ZNF766: variants seen among roughly 807,000 people sequenced by gnomAD.
ZNF766 encodes zinc finger protein 766.
ZNF766 carries 13 observed loss-of-function variants against 13.2 expected under a neutral mutation model. That is an observed-to-expected ratio of 0.98 (90% CI 0.64 to 1.56). The LOEUF (loss-of-function observed/expected upper bound fraction) is 1.56, where lower values mean the gene tolerates loss of function less well. ZNF766 is among the 40% of genes most tolerant of loss of function. The pLI, the probability that ZNF766 is intolerant of heterozygous loss-of-function variation, is 0.00. For synonymous variants in ZNF766, 178 were observed against 187.6 expected (o/e 0.95, Z 0.42); for missense variants, 521 against 552.2 (o/e 0.94, Z 0.57).
At chr19:52,289,998 C>T (rs1982038167) in intron 3 of ZNF766, 68 bp from the exon 4 acceptor site, 1 of 1,507,236 alleles carries the variant, frequency 6.6e-7, no homozygotes, top group Admixed American at 2.2e-5. Context: ...CAGACTCCAA[C>T]TCAAAAAAAG....
At position 52,291,178 on chromosome 19, in the gene ZNF766, G is replaced by C. The variant is rs762438673; in HGVS notation, c.1387G>C (p.Glu463Gln). The change falls in exon 4 of 4, where the codon GAG becomes CAG. Residue 463 changes from glutamate to glutamine, a missense_variant. Transcript: ENST00000439461. ...WFVQHQRSVH[E>Q]RVLTN ...TGTACAGCATCAGAGAAGTGTTCAT[G>C]AGAGAGTCCTTACAAACTGAGTTTG... 41 of 1,573,738 alleles carry C rather than the reference G, an allele frequency of 2.6e-5. No individual in the cohort carries two copies. The highest frequency in any genetic ancestry group is 1.9e-4 in the South Asian group (16 of 84,426).
intron 3 of ZNF766, among the ~76,000 whole-genome samples, chr19:52,287,668 G>A (rs1198117249): frequency 1.3e-5 from 2 of 152,198 alleles, no homozygotes; most frequent in African/African-American, 4.8e-5. Context: ...TTTGTTACTG[G>A]TGTGTTTAGA....
At chr19:52,286,360 G>C (rs1568621299) in intron 3 of ZNF766, among the ~76,000 whole-genome samples, 1 of 140,762 alleles carries the variant, frequency 7.1e-6, no homozygotes, top group Non-Finnish European at 1.5e-5. Flanking sequence ...GTCTCATGCT[G>C]TCCTGATCTT....
chr19:52,280,754 T>G (rs185784142), intron 1 of ZNF766, among the ~76,000 whole-genome samples: 1 of 151,826 alleles, frequency 6.6e-6, no homozygotes, highest in Admixed American at 6.6e-5. Flanking sequence ...AGCTAATTAT[T>G]ATATTTTTAG....
intron 1 of ZNF766, among the ~76,000 whole-genome samples, chr19:52,275,882 T>C (rs1450561808): frequency 1.3e-5 from 2 of 152,162 alleles, no homozygotes; most frequent in Non-Finnish European, 2.9e-5. Context: ...GGTTTCCCCA[T>C]GTTAGCCAGG....
At chr19:52,286,465 G>A (rs8100650) in intron 3 of ZNF766, among the ~76,000 whole-genome samples, 12,935 of 151,816 alleles carry the variant, frequency 0.085, 1,217 homozygotes, top group African/African-American at 0.23. Context: ...TTGTAGAGGT[G>A]GAGTTTCGCT....
chr19:52,286,976 C>T (rs1406536477), intron 3 of ZNF766, among the ~76,000 whole-genome samples: 1 of 152,106 alleles, frequency 6.6e-6, no homozygotes, highest in Non-Finnish European at 1.5e-5. Flanking sequence ...GCTGAGACTA[C>T]AGGCACCTGC....
chr19:52,272,551 T>TG (rs1042809162), intron 1 of ZNF766, among the ~76,000 whole-genome samples: 25 of 151,960 alleles, frequency 1.6e-4, no homozygotes, highest in African/African-American at 5.8e-4. Context: ...CCTGCAGCCT[T>TG]GAACTCCCGG....
chr19:52,280,099 C>G lies in ZNF766; in HGVS notation c.19-2012C>G, dbSNP rs547521023. ...GCGTGAGCCACCGCTCCCAGCTGGT[C>G]TACTTTTTTTAAATAGCTTAATATA... On this transcript the variant is annotated intron_variant, in intron 1 of 3. Coordinates refer to ENST00000439461, the MANE Select transcript of ZNF766 (RefSeq NM_001010851.3). 3.9e-5 allele frequency among the ~76,000 whole-genome samples: 6 copies of G among 152,130 alleles called. No homozygotes were observed. The East Asian group carries it at 1.2e-3, about 29-fold the overall frequency.
intron 3 of ZNF766, among the ~76,000 whole-genome samples, chr19:52,289,423 A>G (rs1387416629): frequency 6.6e-6 from 1 of 151,786 alleles, no homozygotes; most frequent in African/African-American, 2.4e-5. Flanking sequence ...AAGTGCTGGG[A>G]TTACAGCCAC....
chr19:52,269,694 G>C, intron 1 of ZNF766, 63 bp downstream of exon 1: 3 of 1,599,010 alleles, frequency 1.9e-6, no homozygotes, highest in African/African-American at 1.3e-5. Flanking sequence ...TCTGTACCCG[G>C]GATGTGGGGG....
intron 1 of ZNF766, chr19:52,281,751 A>G (rs1355089919): frequency 2.1e-6 from 1 of 476,096 alleles, no homozygotes; most frequent in Non-Finnish European, 4.3e-6. Context: ...CCAGACACAA[A>G]ATTAACCCAC....
At chr19:52,271,967 A>C (rs1980993983) in intron 1 of ZNF766, among the ~76,000 whole-genome samples, 1 of 95,156 alleles carries the variant, frequency 1.1e-5, no homozygotes, top group Non-Finnish European at 2.1e-5. Context: ...GGGTGACAAG[A>C]GTGAGACTGT....
chr19:52,277,805 C>T lies in ZNF766; in HGVS notation c.19-4306C>T, dbSNP rs1252323568. Among the ~76,000 whole-genome samples the T allele has an allele frequency of 4.6e-5, 7 of 152,030 alleles. No homozygotes were observed. In the East Asian group the frequency reaches 9.8e-4, roughly 21 times the overall value. ...GTGGGTGGAGACGGGGTGAGGGCCC[C>T]GTGGTGTCAGTGCTGTTGGGCAGCA... On this transcript the variant is annotated intron_variant, in intron 1 of 3. Transcript: ENST00000439461.
intron 1 of ZNF766, among the ~76,000 whole-genome samples, chr19:52,275,108 A>G (rs932177112): frequency 6.6e-6 from 1 of 152,210 alleles, no homozygotes; most frequent in Non-Finnish European, 1.5e-5. Flanking sequence ...AGGCTCAGGC[A>G]GGTCCTTCAG....
chr19:52,286,855 T>G (rs1981853250), intron 3 of ZNF766, among the ~76,000 whole-genome samples: 1 of 152,138 alleles, frequency 6.6e-6, no homozygotes, highest in African/African-American at 2.4e-5. Flanking sequence ...TGTTTTGTTT[T>G]AAGATGGAGT....
chr19:52,288,030 T>C (rs73579004), intron 3 of ZNF766: 20,017 of 426,704 alleles, frequency 0.047, 1,434 homozygotes, highest in African/African-American at 0.23. Context: ...TCTTTTTCTT[T>C]TTTTTTTTGA....
chr19:52,287,418 G>C (rs950857339), intron 3 of ZNF766, among the ~76,000 whole-genome samples: 1 of 152,254 alleles, frequency 6.6e-6, no homozygotes, highest in Non-Finnish European at 1.5e-5. Context: ...TGGGATTACA[G>C]GCGTGAGCCA....
chr19:52,270,863 C>T (rs1003646319), intron 1 of ZNF766, among the ~76,000 whole-genome samples: 1 of 152,168 alleles, frequency 6.6e-6, no homozygotes, highest in African/African-American at 2.4e-5. Flanking sequence ...CGGCTCACTG[C>T]AACCTTAGCC....
Sources: allele counts gnomAD v4.1 joint callset (sites outside exome capture counted in the v4.1 genomes callset), GRCh38; gene constraint gnomAD v4.1.1; transcripts MANE v1.5; gene names NCBI Gene and HGNC (gene_info 2026-07-23, HGNC 2026-07-21).